VTI1A: variants seen among roughly 807,000 people sequenced by gnomAD.
VTI1A encodes vesicle transport through interaction with t-SNAREs 1A, also known as vesicle transport through interaction with t-SNAREs homolog 1A.
In VTI1A, 22 loss-of-function variants were observed where a neutral mutation model predicts 34.9. That is an observed-to-expected ratio of 0.63 (90% CI 0.45 to 0.90). The LOEUF is 0.90. VTI1A is among the 40% of genes least tolerant of loss of function. The pLI is 0.00. For synonymous variants in VTI1A, 87 were observed against 97.3 expected, an observed-to-expected ratio of 0.89 and a Z score of 0.62; for missense variants, 268 against 275.6, an observed-to-expected ratio of 0.97 and a Z score of 0.20.
In VTI1A at chr10:112,496,062, T is replaced by G. The variant is rs959392754; in HGVS notation, c.265-31025T>G. 2.6e-5 allele frequency among the ~76,000 whole-genome samples: 4 copies of G among 151,774 alleles called. No homozygotes were observed. In the East Asian group the frequency reaches 7.8e-4, roughly 30 times the overall value. On this transcript the variant is annotated intron_variant, in intron 3 of 7. Coordinates refer to ENST00000393077, the MANE Select transcript of VTI1A (RefSeq NM_145206.4). ...AGGACCTAAGATTCAGCAAATCCCT[T>G]TAAAGCCTGACTTGGCCAGGTGCGA...
At chr10:112,732,646 G>A (rs371521277) in intron 7 of VTI1A, among the ~76,000 whole-genome samples, 5 of 152,318 alleles carry the variant, frequency 3.3e-5, no homozygotes, top group African/African-American at 1.2e-4. Context: ...AGCAGGGACT[G>A]TGGCTTTTGG....
chr10:112,603,653 C>T (rs913925114), intron 5 of VTI1A, among the ~76,000 whole-genome samples: 1 of 152,064 alleles, frequency 6.6e-6, no homozygotes, highest in South Asian at 2.1e-4. Context: ...ATTTCTTCCC[C>T]TTGTATGGTA....
At chr10:112,497,772 C>T (rs1849079316) in intron 3 of VTI1A, among the ~76,000 whole-genome samples, 1 of 152,156 alleles carries the variant, frequency 6.6e-6, no homozygotes, top group Admixed American at 6.5e-5. Flanking sequence ...ATTACTGATT[C>T]ACCTTACTTT....
intron 5 of VTI1A, among the ~76,000 whole-genome samples, chr10:112,558,663 C>A (rs927936446): frequency 6.6e-6 from 1 of 152,206 alleles, no homozygotes; most frequent in Non-Finnish European, 1.5e-5. Flanking sequence ...TATACCAGCT[C>A]CACAGGCCCC....
At chr10:112,814,606 A>C (rs925518320) in intron 7 of VTI1A, among the ~76,000 whole-genome samples, 5 of 152,184 alleles carry the variant, frequency 3.3e-5, no homozygotes, top group African/African-American at 1.2e-4. Flanking sequence ...CCAGGGAGGT[A>C]GAATCCCTGG....
Position 112,632,553 on chromosome 10 carries a change from C to A in VTI1A, c.428-35665C>A, listed in dbSNP as rs75290413. On this transcript the variant is annotated intron_variant, in intron 5 of 7. Transcript: ENST00000393077. ...CACTTACTCAAGCATCCAGACTCCA[C>A]CATGGGGATCGTTGCCAGCCACTGC... Among the ~76,000 whole-genome samples, 762 of 152,312 alleles carry A rather than the reference C, an allele frequency of 5.0e-3. 6 individuals are homozygous for A. Among genetic ancestry groups the A allele is most frequent in the African/African-American group, 0.018 (736 of 41,564 alleles).
the VTI1A span, among the ~76,000 whole-genome samples, chr10:112,842,542 T>C: frequency 6.6e-6 from 1 of 152,272 alleles, no homozygotes; most frequent in Non-Finnish European, 1.5e-5. Flanking sequence ...TAACTGGCAC[T>C]ACTCTCCTCT....
chr10:112,851,471 A>G, the VTI1A span, among the ~76,000 whole-genome samples: 4 of 152,180 alleles, frequency 2.6e-5, no homozygotes, highest in African/African-American at 9.7e-5. Flanking sequence ...CTACACGCTG[A>G]ACCCCTGTGG....
intron 3 of VTI1A, among the ~76,000 whole-genome samples, chr10:112,506,215 G>A (rs755084586): frequency 6.6e-6 from 1 of 152,108 alleles, no homozygotes; most frequent in South Asian, 2.1e-4. Flanking sequence ...ACAATGATAC[G>A]TATTTGTGTA....
chr10:112,778,775 G>A (rs1405238803), intron 7 of VTI1A, among the ~76,000 whole-genome samples: 2 of 152,188 alleles, frequency 1.3e-5, no homozygotes, highest in South Asian at 4.2e-4. Flanking sequence ...GCTCTACTGG[G>A]AGACATAAAT....
intron 5 of VTI1A, among the ~76,000 whole-genome samples, chr10:112,616,191 A>G (rs952078491): frequency 5.3e-5 from 8 of 152,362 alleles, no homozygotes; most frequent in Admixed American, 2.0e-4. Flanking sequence ...GCAGTGATTT[A>G]TAAGTGTACA....
intron 5 of VTI1A, among the ~76,000 whole-genome samples, chr10:112,562,867 G>A (rs1391761393): frequency 6.6e-6 from 1 of 152,104 alleles, no homozygotes; most frequent in Non-Finnish European, 1.5e-5. Context: ...TCTTATCGCT[G>A]AGAGGAAAAT....
At chr10:112,528,589 GAA>G (rs1487946730) in intron 4 of VTI1A, among the ~76,000 whole-genome samples, 15 of 152,066 alleles carry the variant, frequency 9.9e-5, no homozygotes, top group Non-Finnish European at 2.1e-4. Flanking sequence ...GAGGATGAGA[GAA>G]AAAATATTTT....
chr10:112,691,827 C>T (rs1420803505), intron 7 of VTI1A, among the ~76,000 whole-genome samples: 4 of 152,096 alleles, frequency 2.6e-5, no homozygotes. Flanking sequence ...TAAAATCCTC[C>T]CTTGAATGGA....
intron 7 of VTI1A, among the ~76,000 whole-genome samples, chr10:112,747,091 G>A (rs1404096153): frequency 6.6e-6 from 1 of 152,192 alleles, no homozygotes; most frequent in East Asian, 1.9e-4. Flanking sequence ...TCGGGGGCCT[G>A]TGCATTTATC....
chr10:112,752,765 G>A (rs1851144365), intron 7 of VTI1A, among the ~76,000 whole-genome samples: 1 of 152,174 alleles, frequency 6.6e-6, no homozygotes, highest in African/African-American at 2.4e-5. Flanking sequence ...TCTGCTGCCT[G>A]GTTGGTGTTC....
At chr10:112,740,992 G>A (rs73352403) in intron 7 of VTI1A, among the ~76,000 whole-genome samples, 6,790 of 152,266 alleles carry the variant, frequency 0.045, 506 homozygotes, top group African/African-American at 0.15. Context: ...CAGGAATGAA[G>A]TACTAATCCA....
chr10:112,786,438 T>G (rs1852290441), intron 7 of VTI1A, among the ~76,000 whole-genome samples: 1 of 152,212 alleles, frequency 6.6e-6, no homozygotes, highest in African/African-American at 2.4e-5. Context: ...TTGTAATTTT[T>G]AAATGCCAGA....
At chr10:112,844,582 A>G in the VTI1A span, among the ~76,000 whole-genome samples, 1 of 152,182 alleles carries the variant, frequency 6.6e-6, no homozygotes, top group Admixed American at 6.5e-5. Context: ...TATTTTTAGT[A>G]GAGACGGAGT....
Sources: allele counts gnomAD v4.1 joint callset (sites outside exome capture counted in the v4.1 genomes callset), GRCh38; gene constraint gnomAD v4.1.1; transcripts MANE v1.5; gene names NCBI Gene and HGNC (gene_info 2026-07-23, HGNC 2026-07-21).